The following SPOCK1 variants were observed in gnomAD, a reference collection of about 807,000 sequenced individuals.
The protein encoded by SPOCK1 is testican-1.
A neutral mutation model predicts 55.3 loss-of-function variants in SPOCK1; 23 were observed. The observed-to-expected ratio is 0.42, with a 90% CI of 0.30 to 0.59. The LOEUF (loss-of-function observed/expected upper bound fraction) is 0.59. SPOCK1 is among the 20% of genes least tolerant of loss of function. The probability of loss-of-function intolerance (pLI) is 0.22; values close to 1 mark genes in which losing one functional copy is unlikely to be tolerated. For synonymous variants in SPOCK1, 226 were observed against 221.0 expected (o/e 1.02, Z -0.20); for missense variants, 499 against 552.5 (o/e 0.90, Z 0.97).
At chr5:137,284,380 C>T (rs1047943799) in intron 2 of SPOCK1, among the ~76,000 whole-genome samples, 3 of 152,214 alleles carry the variant, frequency 2.0e-5, no homozygotes, top group African/African-American at 7.2e-5. Flanking sequence ...GAAATTATGA[C>T]TCCTCTTGGC....
At chr5:137,383,332 T>C (rs907718384) in intron 2 of SPOCK1, among the ~76,000 whole-genome samples, 12 of 152,194 alleles carry the variant, frequency 7.9e-5, no homozygotes, top group Admixed American at 2.0e-4. Context: ...CCCCACATCC[T>C]GACCTACCCA....
At chr5:137,022,038 T>A (rs909805511) in intron 6 of SPOCK1, among the ~76,000 whole-genome samples, 3 of 152,158 alleles carry the variant, frequency 2.0e-5, no homozygotes, top group African/African-American at 7.2e-5. Flanking sequence ...AGAGATGGCA[T>A]CTCTCTGTCC....
chr5:137,152,261 C>CT (rs1349096015), intron 3 of SPOCK1, among the ~76,000 whole-genome samples: 5 of 152,326 alleles, frequency 3.3e-5, no homozygotes, highest in Admixed American at 2.6e-4. Context: ...TTCATCAATG[C>CT]ATCTAAATAA....
At chr5:137,442,103 G>A (rs1037906052) in intron 2 of SPOCK1, among the ~76,000 whole-genome samples, 5 of 152,360 alleles carry the variant, frequency 3.3e-5, no homozygotes, top group Admixed American at 2.0e-4. Flanking sequence ...GGCAGATCTT[G>A]ATCCATTCCT....
intron 2 of SPOCK1, among the ~76,000 whole-genome samples, chr5:137,435,350 A>G (rs1185548975): frequency 2.0e-5 from 3 of 152,354 alleles, no homozygotes; most frequent in East Asian, 1.9e-4. Context: ...TGATTTATCT[A>G]AAAGTTATAC....
At chr5:137,308,760 C>T (rs1757743495) in intron 2 of SPOCK1, among the ~76,000 whole-genome samples, 1 of 152,144 alleles carries the variant, frequency 6.6e-6, no homozygotes, top group Non-Finnish European at 1.5e-5. Flanking sequence ...CTGACAGATA[C>T]ACCATCTAAA....
intron 6 of SPOCK1, among the ~76,000 whole-genome samples, chr5:137,023,759 G>A (rs1751616765): frequency 6.6e-6 from 1 of 152,040 alleles, no homozygotes; most frequent in African/African-American, 2.4e-5. Context: ...TTCTTCCTCT[G>A]TCCCTTCCTT....
intron 5 of SPOCK1, among the ~76,000 whole-genome samples, chr5:137,092,624 A>T (rs1396679862): frequency 6.6e-6 from 1 of 152,242 alleles, no homozygotes; most frequent in East Asian, 1.9e-4. Context: ...CCATGAGGAC[A>T]GAGACGTTGC....
At chr5:137,176,599 T>C (rs1008531402) in intron 3 of SPOCK1, among the ~76,000 whole-genome samples, 1 of 151,974 alleles carries the variant, frequency 6.6e-6, no homozygotes, top group Non-Finnish European at 1.5e-5. Flanking sequence ...TCATCGGTAA[T>C]TAAAAATGAC....
intron 3 of SPOCK1, among the ~76,000 whole-genome samples, chr5:137,147,767 C>A (rs1246311927): frequency 6.6e-6 from 1 of 152,152 alleles, no homozygotes; most frequent in Non-Finnish European, 1.5e-5. Flanking sequence ...ACATTCAATC[C>A]AGAACACCAA....
At chr5:137,084,722 A>G (rs1016962084) in intron 5 of SPOCK1, among the ~76,000 whole-genome samples, 2 of 152,126 alleles carry the variant, frequency 1.3e-5, no homozygotes, top group African/African-American at 4.8e-5. Flanking sequence ...CCCAAAAAAC[A>G]AAAAACAGAA....
intron 2 of SPOCK1, among the ~76,000 whole-genome samples, chr5:137,347,101 C>G (rs1025470284): frequency 3.3e-5 from 5 of 152,136 alleles, no homozygotes; most frequent in African/African-American, 1.2e-4. Context: ...TCCTGGGTAG[C>G]CCTCCACCCT....
intron 2 of SPOCK1, among the ~76,000 whole-genome samples, chr5:137,294,158 C>T (rs1757432775): frequency 6.6e-6 from 1 of 151,964 alleles, no homozygotes; most frequent in Non-Finnish European, 1.5e-5. Context: ...ATTTAAATGG[C>T]CACATATGTC....
chr5:137,042,193 GC>G, intron 6 of SPOCK1, among the ~76,000 whole-genome samples: 1 of 152,260 alleles, frequency 6.6e-6, no homozygotes, highest in Non-Finnish European at 1.5e-5. Context: ...AGTGAAAGAA[GC>G]CAGCATAAAA....
At chr5:137,401,276 T>G (rs1561525714) in intron 2 of SPOCK1, among the ~76,000 whole-genome samples, 1 of 152,106 alleles carries the variant, frequency 6.6e-6, no homozygotes, top group Admixed American at 6.5e-5. Flanking sequence ...AAGAGTCTTG[T>G]GGGGGGCAGG....
At chr5:137,388,401 G>A (rs998830894) in intron 2 of SPOCK1, among the ~76,000 whole-genome samples, 18 of 151,996 alleles carry the variant, frequency 1.2e-4, no homozygotes, top group African/African-American at 3.6e-4. Flanking sequence ...GGTATGTGGC[G>A]GGAGGGAGGG....
chr5:137,079,542 C>G (rs377698781), intron 5 of SPOCK1, among the ~76,000 whole-genome samples: 22 of 149,886 alleles, frequency 1.5e-4, no homozygotes, highest in Admixed American at 5.3e-4. Context: ...TTCCCCCCCC[C>G]CCCGACTTAG....
intron 2 of SPOCK1, among the ~76,000 whole-genome samples, chr5:137,349,732 A>T (rs1013430565): frequency 3.3e-5 from 5 of 152,014 alleles, no homozygotes; most frequent in Non-Finnish European, 7.4e-5. Context: ...CTCTGCCTTC[A>T]TCTTCACATG....
intron 2 of SPOCK1, among the ~76,000 whole-genome samples, chr5:137,397,623 C>T (rs1404544217): frequency 6.6e-6 from 1 of 152,166 alleles, no homozygotes; most frequent in Non-Finnish European, 1.5e-5. Flanking sequence ...CTGTCCTCTG[C>T]TAAAGAACAG....
Sources: gnomAD v4.1 joint callset for allele counts (sites outside exome capture counted in the v4.1 genomes callset) on GRCh38, gnomAD v4.1.1 for gene constraint, MANE v1.5 for transcripts, NCBI Gene and HGNC (gene_info 2026-07-23, HGNC 2026-07-21) for gene names.